ASAH1: variants seen among roughly 807,000 people sequenced by gnomAD.
ASAH1 encodes the protein acid ceramidase.
In ASAH1, 70 loss-of-function variants were observed where a neutral mutation model predicts 59.5. That is an observed-to-expected ratio of 1.18 (90% confidence interval 0.97 to 1.43). The LOEUF is 1.43. ASAH1 is among the 40% of genes most tolerant of loss of function. The pLI is 0.00. For missense variants in ASAH1, 660 were observed against 482.5 expected (o/e 1.37, Z -3.45); for synonymous variants, 213 against 166.5 (o/e 1.28, Z -2.15).
chr8:18,063,470 C>CT lies in ASAH1; in HGVS notation c.458-241dup, dbSNP rs376358665. 74,796 of 289,442 alleles carry CT rather than the reference C, an allele frequency of 0.26. 4,666 individuals carry two copies. Among genetic ancestry groups the CT allele is most frequent in the South Asian group, 0.33 (8,193 of 24,632 alleles). The allele number at this position is 289,442 out of a possible 1,614,324, so 17.9% of individuals were successfully genotyped here. A position where few individuals can be genotyped will look rare whatever the true frequency, so the allele number is the denominator to read the frequency against. Reference sequence around the variant, plus strand: ...AGACATGTGCGACCGCACCTGGCTACTTTTTTTTTTTTTTTGTATTTTTCT... The same window carrying CT: ...AGACATGTGCGACCGCACCTGGCTACTTTTTTTTTTTTTTTTGTATTTTTCT... On this transcript the variant is annotated intron_variant, in intron 6 of 13. Coordinates refer to ENST00000637790, the MANE Select transcript of ASAH1 (RefSeq NM_177924.5).
At chr8:18,062,632 C>T (rs539898166) in intron 7 of ASAH1, 2 of 586,018 alleles carry the variant, frequency 3.4e-6, no homozygotes, top group East Asian at 3.0e-5. Flanking sequence ...CTCAATATCA[C>T]ACAGCTTATA....
intron 2 of ASAH1, among the ~76,000 whole-genome samples, chr8:18,072,881 T>G (rs1357470220): frequency 6.6e-6 from 1 of 152,148 alleles, no homozygotes; most frequent in African/African-American, 2.4e-5. Flanking sequence ...AATCAGCTGC[T>G]CCTCACCTCA....
At chr8:18,070,101 C>T (rs1397850382) in intron 3 of ASAH1, among the ~76,000 whole-genome samples, 2 of 152,156 alleles carry the variant, frequency 1.3e-5, no homozygotes, top group Non-Finnish European at 2.9e-5. Context: ...CTGCCTCAGC[C>T]TCCCAAGTAG....
In ASAH1 at chr8:18,057,413, G is replaced by A; in HGVS notation, c.*121C>T. 1 of 673,006 alleles carries A rather than the reference G, an allele frequency of 1.5e-6. No homozygotes were observed. Among genetic ancestry groups the A allele is most frequent in the East Asian group, 3.6e-5 (1 of 28,158 alleles). The allele number at this position is 673,006 out of a possible 1,614,324, so 41.7% of individuals were successfully genotyped here. A position where few individuals can be genotyped will look rare whatever the true frequency, so the allele number is the denominator to read the frequency against. On this transcript the variant is annotated 3_prime_UTR_variant, in exon 14 of 14. Coordinates refer to ENST00000637790, the MANE Select transcript of ASAH1 (RefSeq NM_177924.5). ...AACAGATGGACGAAGACAAGCTATTGACTCAAAGAGAACCTGCCGCGAGTC... is the reference window on the plus strand; with the variant it reads ...AACAGATGGACGAAGACAAGCTATTAACTCAAAGAGAACCTGCCGCGAGTC...
rs988349027 is a variant in ASAH1, at chr8:18,083,856, G to T, written c.78+125C>A. 7.9e-6 allele frequency: 12 copies of T among 1,514,738 alleles called. No homozygotes were observed. The Admixed American group carries it at 1.6e-4, about 20-fold the overall frequency. 93.8% of individuals were successfully genotyped at this position (1,514,738 alleles called of 1,614,324 possible). A position where few individuals can be genotyped will look rare whatever the true frequency, so the allele number is the denominator to read the frequency against. On this transcript the variant is annotated intron_variant, in intron 1 of 13. Coordinates refer to ENST00000637790, the MANE Select transcript of ASAH1 (RefSeq NM_177924.5). ...CCACACCCCTGTGCACGAAACCACA[G>T]ACCCCCGTAAAGAAGCTGCCCAGCA...
Position 18,063,274 on chromosome 8 carries a change from T to C in ASAH1, c.458-44A>G, listed in dbSNP as rs6998108. On this transcript the variant is annotated intron_variant, in intron 6 of 13. Coordinates refer to ENST00000637790, the MANE Select transcript of ASAH1 (RefSeq NM_177924.5). ...AAGAGACGTGTAATAGCAGTTAAGA[T>C]TCTAAATCAAAGCTGGACAATTAAT... 6.5e-3 allele frequency: 9,873 copies of C among 1,513,942 alleles called. 216 individuals are homozygous for C. Among genetic ancestry groups the C allele is most frequent in the African/African-American group, 0.057 (4,177 of 72,758 alleles). 93.8% of individuals were successfully genotyped at this position (1,513,942 alleles called of 1,614,324 possible). A position where few individuals can be genotyped will look rare whatever the true frequency, so the allele number is the denominator to read the frequency against.
intron 1 of ASAH1, 75 bp from the exon 2 acceptor site, chr8:18,075,662 TA>T (rs1198819076): frequency 2.2e-6 from 3 of 1,385,894 alleles, no homozygotes; most frequent in Admixed American, 3.4e-5. Context: ...CAAAAGTAGT[TA>T]ATCTGTGAAG....
intron 1 of ASAH1, among the ~76,000 whole-genome samples, chr8:18,081,209 T>A (rs1354212829): frequency 6.6e-6 from 1 of 152,184 alleles, no homozygotes; most frequent in African/African-American, 2.4e-5. Context: ...CAGGTCACGC[T>A]GACACCTCAC....
At chr8:18,063,310 T>G in intron 6 of ASAH1, 80 bp from the exon 7 acceptor site, 1 of 1,247,738 alleles carries the variant, frequency 8.0e-7, no homozygotes, top group Non-Finnish European at 1.2e-6. Context: ...TTTGATTAAT[T>G]AATTTATTTT....
intron 12 of ASAH1, 155 bp downstream of exon 12, chr8:18,059,186 T>A: frequency 8.1e-7 from 1 of 1,232,650 alleles, no homozygotes; most frequent in Non-Finnish European, 1.1e-6. Flanking sequence ...CTCTTTAAGT[T>A]AAGAAAACGA....
At chr8:18,063,326 C>G in intron 6 of ASAH1, 96 bp from the exon 7 acceptor site, 9 of 1,217,950 alleles carry the variant, frequency 7.4e-6, no homozygotes, top group Non-Finnish European at 1.1e-5. Context: ...ATTTTTGAGA[C>G]AGAGTCTCGT....
intron 2 of ASAH1, among the ~76,000 whole-genome samples, chr8:18,072,468 A>C (rs909805734): frequency 2.0e-5 from 3 of 152,128 alleles, no homozygotes; most frequent in African/African-American, 7.2e-5. Context: ...GGTTTTATGA[A>C]ACTGTTAACT....
chr8:18,061,861 T>A, intron 8 of ASAH1, 121 bp from the exon 9 acceptor site: 3 of 939,206 alleles, frequency 3.2e-6, no homozygotes, highest in Non-Finnish European at 5.0e-6. Flanking sequence ...AAGGCAAAAA[T>A]AAATCAAAAC....
chr8:18,066,462 T>C (rs1799934029), intron 5 of ASAH1: 1 of 146,588 alleles, frequency 6.8e-6, no homozygotes, highest in African/African-American at 2.5e-5. Context: ...TTCAATCTCA[T>C]TAATCATCAA....
At position 18,057,477 on chromosome 8, in the gene ASAH1, A is replaced by T; in HGVS notation, c.*57T>A. 1.4e-6 allele frequency: 2 copies of T among 1,383,708 alleles called. No homozygotes were observed. The highest frequency in any genetic ancestry group is 2.5e-5 in the East Asian group (1 of 39,748). The allele number at this position is 1,383,708 out of a possible 1,614,324, so 85.7% of individuals were successfully genotyped here. A position where few individuals can be genotyped will look rare whatever the true frequency, so the allele number is the denominator to read the frequency against. The stretch of plus-strand genomic sequence containing the variant: ...GGTCAGACAGCTGCAGTGTTCGGTC[A>T]CATGGAGATGGTGTCTTCATGTCTC... On this transcript the variant is annotated 3_prime_UTR_variant, in exon 14 of 14. Transcript: ENST00000637790.
Position 18,063,185 on chromosome 8 carries a change from C to A in ASAH1, c.503G>T (p.Gly168Val). 6.2e-7 allele frequency: 1 copy of A among 1,613,682 alleles called. No individual in the cohort carries two copies. The highest frequency in any genetic ancestry group is 8.5e-7 in the Non-Finnish European group (1 of 1,179,750). Residue 168 changes from glycine to valine, a missense_variant and splice_region_variant, in exon 7 of 14, where the codon GGG becomes GTG. Gly to Val is a moderately radical substitution (Grantham distance 109). Transcript: ENST00000637790. ...GCCTGACCCTTTGTTCTTTACTTACCCAAGAAATACTCCAAAATCCATGTT... is the reference window on the plus strand; with the variant it reads ...GCCTGACCCTTTGTTCTTTACTTACACAAGAAATACTCCAAAATCCATGTT... Reference protein sequence around the residue: ...GRNMDFGVFLGWNINNDTWVI... With the variant: ...GRNMDFGVFLVWNINNDTWVI...
chr8:18,073,260 T>C (rs1800249929), intron 2 of ASAH1: 4 of 1,580,810 alleles, frequency 2.5e-6, no homozygotes, highest in South Asian at 2.3e-5. Context: ...ATCCACCTTA[T>C]AACAGCAGGG....
At chr8:18,079,282 A>C (rs925685848) in intron 1 of ASAH1, among the ~76,000 whole-genome samples, 14 of 151,370 alleles carry the variant, frequency 9.2e-5, no homozygotes, top group African/African-American at 2.9e-4. Flanking sequence ...CAGAAAAAAA[A>C]AAAAAACAAA....
intron 9 of ASAH1, 49 bp downstream of exon 9, chr8:18,061,637 C>T (rs772365670): frequency 6.4e-7 from 1 of 1,560,218 alleles, no homozygotes; most frequent in Non-Finnish European, 8.7e-7. Flanking sequence ...CAGCCTTCCT[C>T]ATAAAAAAGC....
Sources: gnomAD v4.1 joint callset for allele counts (sites outside exome capture counted in the v4.1 genomes callset) on GRCh38, gnomAD v4.1.1 for gene constraint, MANE v1.5 for transcripts, NCBI Gene and HGNC (gene_info 2026-07-23, HGNC 2026-07-21) for gene names.